The following CGGBP1 variants were observed in gnomAD, a reference collection of about 807,000 sequenced individuals.
CGGBP1 encodes CGG triplet repeat-binding protein 1.
CGGBP1 carries 4 observed loss-of-function variants against 11.4 expected under a neutral mutation model. The observed-to-expected ratio is 0.35, with a 90% CI of 0.17 to 0.80. CGGBP1 has a LOEUF of 0.80. Among genes scored for constraint, CGGBP1 ranks in the 30% least tolerant of loss-of-function variants. The probability of loss-of-function intolerance (pLI) is 0.52; values close to 1 mark genes in which losing one functional copy is unlikely to be tolerated. For missense variants in CGGBP1, 135 were observed against 202.1 expected (o/e 0.67, Z 2.01); for synonymous variants, 76 against 74.1 (o/e 1.03, Z -0.13).
chr3:88,127,782 A>T (rs1029005031), intron 2 of CGGBP1, among the ~76,000 whole-genome samples: 1 of 152,202 alleles, frequency 6.6e-6, no homozygotes, highest in Non-Finnish European at 1.5e-5. Context: ...CTATACTAGC[A>T]TACCTCACAC....
intron 2 of CGGBP1, among the ~76,000 whole-genome samples, chr3:88,084,156 A>G (rs1708225037): frequency 6.6e-6 from 1 of 152,172 alleles, no homozygotes; most frequent in African/African-American, 2.4e-5. Context: ...GTTTGGCCTC[A>G]GCTAGACTAG....
chr3:88,122,683 C>T lies in CGGBP1; in HGVS notation c.-229+18287G>A, dbSNP rs757603273. On this transcript the variant is annotated intron_variant, in intron 2 of 3. Transcript: ENST00000462901. ...AAAGGATTAAGTTGATATAGAGGCA[C>T]AATTTATTATTTAAGTAAATATTCT... Among the ~76,000 whole-genome samples, 128 of 152,084 alleles carry T rather than the reference C, an allele frequency of 8.4e-4. 1 individual carries two copies. The highest frequency in any genetic ancestry group is 1.6e-3 in the Admixed American group (24 of 15,266).
At position 88,140,728 on chromosome 3, in the gene CGGBP1, C is replaced by A. The variant is rs143384053; in HGVS notation, c.-229+242G>T. On this transcript the variant is annotated intron_variant, in intron 2 of 3. Transcript: ENST00000462901. ...AGTGTTGTACCACAAGAACACAACA[C>A]CTTGCCAGTATCTCAGGCACCTTCC... 1.1e-5 allele frequency: 18 copies of A among 1,613,692 alleles called. No homozygotes were observed. In the South Asian group the frequency reaches 2.0e-4, roughly 18 times the overall value.
At chr3:88,067,316 A>G (rs549432875) in intron 2 of CGGBP1, among the ~76,000 whole-genome samples, 2 of 152,200 alleles carry the variant, frequency 1.3e-5, no homozygotes, top group African/African-American at 2.4e-5. Context: ...TTGGTTTGAT[A>G]TGTTGAATTT....
chr3:88,126,092 C>A (rs1576331340), intron 2 of CGGBP1: 6 of 1,413,504 alleles, frequency 4.2e-6, no homozygotes, highest in Admixed American at 2.7e-5. Flanking sequence ...TAGTTTTTAA[C>A]CCCTTTAAAT....
rs537140289 is a variant in CGGBP1 at position 88,146,702 on chromosome 3, T to G, written c.-338+3009A>C. Among the ~76,000 whole-genome samples the G allele has an allele frequency of 6.6e-5, 10 of 152,318 alleles. No homozygotes were observed. The South Asian group carries it at 2.1e-3, about 32-fold the overall frequency. ...CCTACCCTCATCATGTAATTTTAGT[T>G]CATGCATTTGTCACTACTATTCCCG... On this transcript the variant is annotated intron_variant, in intron 1 of 3. Coordinates refer to the CGGBP1 transcript ENST00000462901.
At chr3:88,117,493 C>T (rs1705482772) in intron 2 of CGGBP1, among the ~76,000 whole-genome samples, 1 of 151,992 alleles carries the variant, frequency 6.6e-6, no homozygotes, top group Non-Finnish European at 1.5e-5. Context: ...AGTCTAAATA[C>T]TTGGAAACAA....
chr3:88,128,042 G>A (rs557134126), intron 2 of CGGBP1, among the ~76,000 whole-genome samples: 6 of 152,088 alleles, frequency 3.9e-5, no homozygotes, highest in Non-Finnish European at 8.8e-5. Context: ...ATAAAAATAC[G>A]GGTTCCAGTT....
At chr3:88,095,008 A>C (rs1015138860) in intron 2 of CGGBP1, among the ~76,000 whole-genome samples, 12 of 152,290 alleles carry the variant, frequency 7.9e-5, no homozygotes, top group African/African-American at 2.6e-4. Context: ...ATTTCTTCCA[A>C]GTTTGCTGTA....
At chr3:88,133,656 A>T (rs1218081745) in intron 2 of CGGBP1, among the ~76,000 whole-genome samples, 1 of 152,138 alleles carries the variant, frequency 6.6e-6, no homozygotes, top group Non-Finnish European at 1.5e-5. Context: ...AGTTCCTGAG[A>T]TTCAAATCCT....
chr3:88,059,419 G>A, upstream of CGGBP1: 1 of 1,528,726 alleles, frequency 6.5e-7, no homozygotes, highest in Non-Finnish European at 8.7e-7. Context: ...TAGAGCTGCG[G>A]GCGACGGCAG....
intron 2 of CGGBP1, chr3:88,057,526 C>G (rs1434646808): frequency 1.3e-5 from 2 of 152,048 alleles, no homozygotes; most frequent in Admixed American, 6.5e-5. Context: ...ATTAATGGTT[C>G]TAACCTAGTT....
At chr3:88,099,960 C>T (rs1164133662) in intron 2 of CGGBP1, among the ~76,000 whole-genome samples, 1 of 152,158 alleles carries the variant, frequency 6.6e-6, no homozygotes, top group Non-Finnish European at 1.5e-5. Flanking sequence ...CAACAAAAGC[C>T]AAAATTGACA....
At chr3:88,059,399 C>T (rs1478978806), upstream of CGGBP1, 6 of 1,533,744 alleles carry the variant, frequency 3.9e-6, no homozygotes, top group African/African-American at 1.4e-5. Context: ...CCGCTGGGCC[C>T]TGTGGGGCTT....
intron 2 of CGGBP1, among the ~76,000 whole-genome samples, chr3:88,100,455 C>G (rs966962626): frequency 7.2e-5 from 11 of 152,168 alleles, no homozygotes; most frequent in Non-Finnish European, 1.3e-4. Flanking sequence ...CCATTTGACC[C>G]AGCCATCCCA....
intron 2 of CGGBP1, among the ~76,000 whole-genome samples, chr3:88,076,848 A>G (rs1707831424): frequency 6.6e-6 from 1 of 152,208 alleles, no homozygotes; most frequent in Admixed American, 6.5e-5. Context: ...CATAAGAGGA[A>G]AGTTGGATCT....
intron 2 of CGGBP1, among the ~76,000 whole-genome samples, chr3:88,104,958 G>A (rs1184757895): frequency 1.3e-5 from 2 of 152,202 alleles, no homozygotes; most frequent in Non-Finnish European, 2.9e-5. Context: ...GGCCAACATA[G>A]TGAAACCCTG....
At chr3:88,137,424 C>T (rs1013785102) in intron 2 of CGGBP1, among the ~76,000 whole-genome samples, 7 of 152,078 alleles carry the variant, frequency 4.6e-5, no homozygotes, top group African/African-American at 1.7e-4. Flanking sequence ...CTGATTTTCA[C>T]TCATTCTGCA....
chr3:88,059,203 G>C, upstream of CGGBP1: 2 of 1,452,930 alleles, frequency 1.4e-6, no homozygotes, highest in Non-Finnish European at 9.0e-7. Flanking sequence ...AGAGGCCCCT[G>C]TCCGGCTAGG....
Sources: allele counts gnomAD v4.1 joint callset (sites outside exome capture counted in the v4.1 genomes callset), GRCh38; gene constraint gnomAD v4.1.1; transcripts MANE v1.5; gene names NCBI Gene and HGNC (gene_info 2026-07-23, HGNC 2026-07-21).